The following IGSF10 variants were observed in gnomAD, a reference collection of about 807,000 sequenced individuals.
IGSF10 encodes calvaria mechanical force protein 608.
A neutral mutation model predicts 128.2 loss-of-function variants in IGSF10; 126 were observed. That is an observed-to-expected ratio of 0.98 (90% CI 0.85 to 1.14). The LOEUF is 1.14. Ranked by LOEUF, IGSF10 falls within the 50% of genes most tolerant of loss-of-function variation. The pLI is 0.00. For missense variants in IGSF10, 3,295 were observed against 3,149.8 expected (o/e 1.05, Z -1.10); for synonymous variants, 1,185 against 1,146.2 (o/e 1.03, Z -0.68).
At chr3:151,606,264 T>C in the IGSF10 span, among the ~76,000 whole-genome samples, 1 of 152,232 alleles carries the variant, frequency 6.6e-6, no homozygotes, top group Non-Finnish European at 1.5e-5. Flanking sequence ...GGAATGTAGC[T>C]TTCAATATGG....
chr3:151,434,037 AT>A (rs1363732684), downstream of IGSF10: 1 of 152,532 alleles, frequency 6.6e-6, no homozygotes. Context: ...TCTATATAAT[AT>A]TTTTTTAGAT....
chr3:151,453,853 CTT>C (rs998333075), intron 4 of IGSF10, 79 bp from the exon 5 acceptor site: 15 of 862,288 alleles, frequency 1.7e-5, no homozygotes, highest in Admixed American at 1.3e-4. Context: ...AATAACAAAA[CTT>C]ATGTTGAAAT....
intron 6 of IGSF10, among the ~76,000 whole-genome samples, chr3:151,444,459 C>A (rs548632513): frequency 1.3e-4 from 20 of 152,100 alleles, no homozygotes; most frequent in Non-Finnish European, 2.6e-4. Context: ...AGGTGCCCAC[C>A]ACCACACCCG....
At chr3:151,573,991 C>A in the IGSF10 span, among the ~76,000 whole-genome samples, 1 of 152,086 alleles carries the variant, frequency 6.6e-6, no homozygotes, top group South Asian at 2.1e-4. Context: ...ACTTATGAAG[C>A]TTAGTTTGGC....
At chr3:151,548,790 T>A in the IGSF10 span, among the ~76,000 whole-genome samples, 1 of 151,936 alleles carries the variant, frequency 6.6e-6, no homozygotes, top group South Asian at 2.1e-4. Context: ...CCTCTTGGAC[T>A]AATAATCTTC....
At chr3:151,599,849 C>T in the IGSF10 span, among the ~76,000 whole-genome samples, 1 of 152,144 alleles carries the variant, frequency 6.6e-6, no homozygotes, top group Non-Finnish European at 1.5e-5. Context: ...ACAGAATAAG[C>T]TGGCCCACCT....
the IGSF10 span, among the ~76,000 whole-genome samples, chr3:151,602,743 C>T: frequency 1.3e-5 from 2 of 152,100 alleles, no homozygotes; most frequent in Non-Finnish European, 2.9e-5. Flanking sequence ...TTCATTTTCC[C>T]ATCTTTGCTC....
Position 151,436,917 on chromosome 3 carries a change from G to T in IGSF10, c.7644C>A (p.Leu2548=). 1 of 1,614,188 alleles carries T rather than the reference G, an allele frequency of 6.2e-7. No homozygotes were observed. The highest frequency in any genetic ancestry group is 8.5e-7 in the Non-Finnish European group (1 of 1,180,016). ...TGGGAACTCCCAAGGCCACACAGTG[G>T]AGCTGAAAGGCTGCCCCTGTCCTGG... ...IVTRTGAAFQ[L]HCVALGVPKP... Residue 2548 remains leucine (L), a synonymous_variant, in exon 8 of 8, where the codon CTC becomes CTA. Coordinates refer to ENST00000282466, the MANE Select transcript of IGSF10 (RefSeq NM_178822.5).
At chr3:151,458,760 C>G in intron 2 of IGSF10, 50 bp from the exon 3 acceptor site, 1 of 1,469,820 alleles carries the variant, frequency 6.8e-7, no homozygotes, top group South Asian at 1.2e-5. Context: ...GAGCAAAGTC[C>G]CAGGACCACC....
In IGSF10 at chr3:151,446,536, A is replaced by G; in HGVS notation, c.3445T>C (p.Ser1149Pro). 1 of 1,614,032 alleles carries G rather than the reference A, an allele frequency of 6.2e-7. No homozygotes were observed. The highest frequency in any genetic ancestry group is 8.5e-7 in the Non-Finnish European group (1 of 1,179,990). ...TGAVMTYAPT[S>P]IPMEKTHKVN... ...TTGTGAGTTTTTTCCATGGGTATGG[A>G]TGTTGGAGCATATGTCATGACTGCA... is the stretch of plus-strand genomic sequence containing the variant. Residue 1149 changes from serine to proline, a missense_variant, in exon 6 of 8, where the codon TCC (serine) becomes CCC (proline). Ser to Pro is a moderately conservative substitution (Grantham distance 74). Transcript: ENST00000282466.
chr3:151,454,393 T>C (rs887182474), intron 4 of IGSF10, among the ~76,000 whole-genome samples: 7 of 152,188 alleles, frequency 4.6e-5, no homozygotes, highest in African/African-American at 7.2e-5. Flanking sequence ...TTTTGAGATA[T>C]ATAGAAGTAC....
At chr3:151,531,944 GAAGAC>G in the IGSF10 span, among the ~76,000 whole-genome samples, 2 of 151,616 alleles carry the variant, frequency 1.3e-5, no homozygotes. Flanking sequence ...CAAGACTAAT[GAAGAC>G]AAGAGAGAAG....
At chr3:151,456,556 A>G (rs1467943401) in intron 4 of IGSF10, among the ~76,000 whole-genome samples, 1 of 152,146 alleles carries the variant, frequency 6.6e-6, no homozygotes, top group Non-Finnish European at 1.5e-5. Context: ...TACTTTTGTG[A>G]TCATTCTTGC....
rs1721991802 is a variant in IGSF10 at position 151,460,299 on chromosome 3, T to C, written c.-40A>G. Reference sequence around the variant, plus strand: ...TCAGGTCCTGAGTCCTCTTGTGACATAGGCAGAGACAGAAAATCTTCCCAG... The same window carrying C: ...TCAGGTCCTGAGTCCTCTTGTGACACAGGCAGAGACAGAAAATCTTCCCAG... On this transcript the variant is annotated 5_prime_UTR_variant, in exon 2 of 8. It removes an upstream start codon present in the reference 5' UTR. Transcript: ENST00000282466. 7 of 983,240 alleles carry C rather than the reference T, an allele frequency of 7.1e-6. No homozygotes were observed. The highest frequency in any genetic ancestry group is 8.5e-6 in the Non-Finnish European group (7 of 827,934). The allele number at this position is 983,240 out of a possible 1,614,324, so 60.9% of individuals were successfully genotyped here.
the IGSF10 span, among the ~76,000 whole-genome samples, chr3:151,487,102 A>G: frequency 6.6e-6 from 1 of 152,172 alleles, no homozygotes. Flanking sequence ...ATGAAGAAGA[A>G]AGGAAAGAAG....
the IGSF10 span, among the ~76,000 whole-genome samples, chr3:151,509,702 G>C: frequency 6.6e-6 from 1 of 152,244 alleles, no homozygotes; most frequent in African/African-American, 2.4e-5. Context: ...GGAAGTGCAA[G>C]GGGTTGGGAA....
chr3:151,461,745 C>T (rs1246330001), upstream of IGSF10, among the ~76,000 whole-genome samples: 3 of 152,128 alleles, frequency 2.0e-5, no homozygotes, highest in Admixed American at 1.3e-4. Context: ...TTTCTCCAAC[C>T]CCTATAACCA....
chr3:151,588,623 C>T, the IGSF10 span, among the ~76,000 whole-genome samples: 2 of 152,142 alleles, frequency 1.3e-5, no homozygotes, highest in African/African-American at 2.4e-5. Context: ...ACAACTAGGA[C>T]TTAAAAATTA....
the IGSF10 span, among the ~76,000 whole-genome samples, chr3:151,591,863 CAAAT>C: frequency 6.6e-6 from 1 of 151,902 alleles, no homozygotes; most frequent in African/African-American, 2.4e-5. Flanking sequence ...AATATTTTGG[CAAAT>C]AAAAACACAT....
Sources: gnomAD v4.1 joint callset for allele counts (sites outside exome capture counted in the v4.1 genomes callset) on GRCh38, gnomAD v4.1.1 for gene constraint, MANE v1.5 for transcripts, NCBI Gene and HGNC (gene_info 2026-07-23, HGNC 2026-07-21) for gene names.